The following SORL1 variants were observed in gnomAD, a reference collection of about 807,000 sequenced individuals.
The protein encoded by SORL1 is sortilin related receptor 1, also known as sortilin-related receptor.
A neutral mutation model predicts 273.7 loss-of-function variants in SORL1; 127 were observed. That is an observed-to-expected ratio of 0.46 (90% confidence interval 0.40 to 0.54). The LOEUF (loss-of-function observed/expected upper bound fraction) is 0.54, where lower values mean the gene tolerates loss of function less well. Among genes scored for constraint, SORL1 ranks in the 20% least tolerant of loss-of-function variants. The probability of loss-of-function intolerance (pLI) is 0.00; values close to 1 mark genes in which losing one functional copy is unlikely to be tolerated. For synonymous variants in SORL1, 1,031 were observed against 1,067.4 expected (o/e 0.97, Z 0.66); for missense variants, 2,494 against 2,846.1 (o/e 0.88, Z 2.81).
rs1466750541 is a variant in SORL1, at chr11:121,627,544, T to G, written c.6365-11T>G. 14 of 1,613,342 alleles carry G rather than the reference T, an allele frequency of 8.7e-6. No individual in the cohort carries two copies. The highest frequency in any genetic ancestry group is 1.2e-5 in the Non-Finnish European group (14 of 1,179,418). On this transcript the variant is annotated splice_polypyrimidine_tract_variant and intron_variant, in intron 46 of 47. Transcript: ENST00000260197. The surrounding 1 kb of genome is among the most constrained non-coding windows in gnomAD (Gnocchi z 4.9). ...CAGGTGGGCTTATTGGTGGGAACTT[T>G]GCCTTGGCAGGTGCAGATGCATCTG... is the stretch of plus-strand genomic sequence containing the variant.
In SORL1 at chr11:121,522,956, C is replaced by A; in HGVS notation, c.1563C>A (p.Tyr521Ter). The change falls in exon 11 of 48, where the codon TAC (tyrosine) becomes TAA (stop). Residue 521 changes from tyrosine to a stop codon, truncating the protein, a stop_gained. Coordinates refer to ENST00000260197, the MANE Select transcript of SORL1 (RefSeq NM_003105.6). LOFTEE classifies it high-confidence loss of function. The stretch of plus-strand genomic sequence containing the variant: ...ACTTGGCTAGCAAGACAAACGTGTA[C>A]ATCTCTAGCAGTGCTGGAGCCAGGT... The part of the protein sequence containing the change: ...GKNLASKTNV[Y>*]ISSSAGARWR... 1 of 1,613,874 alleles carries A rather than the reference C, an allele frequency of 6.2e-7. No individual in the cohort carries two copies. Among genetic ancestry groups the A allele is most frequent in the South Asian group, 1.1e-5 (1 of 91,078 alleles).
At chr11:121,587,577 C>T (rs551586728) in intron 27 of SORL1, among the ~76,000 whole-genome samples, 7 of 152,210 alleles carry the variant, frequency 4.6e-5, no homozygotes, top group Admixed American at 6.5e-5. Flanking sequence ...AGGGCTTCAA[C>T]ATACAAATTT....
chr11:121,456,285 C>G (rs1257954484), intron 1 of SORL1, among the ~76,000 whole-genome samples: 1 of 152,170 alleles, frequency 6.6e-6, no homozygotes, highest in East Asian at 1.9e-4. Context: ...GCACTTACTG[C>G]CTTGTGTTAG....
intron 11 of SORL1, among the ~76,000 whole-genome samples, chr11:121,528,245 GATCACTTGAGA>G (rs1862152006): frequency 6.6e-6 from 1 of 152,114 alleles, no homozygotes. Context: ...AAGGCAGGAG[GATCACTTGAGA>G]CCAGGAGTTC....
At chr11:121,576,677 G>T in intron 24 of SORL1, 2 of 1,202,942 alleles carry the variant, frequency 1.7e-6, no homozygotes, top group South Asian at 1.8e-5. Flanking sequence ...TCCCCTTCTT[G>T]GTCAAGCTCT....
chr11:121,479,069 C>A (rs1449128105), intron 3 of SORL1, among the ~76,000 whole-genome samples: 1 of 152,126 alleles, frequency 6.6e-6, no homozygotes, highest in Non-Finnish European at 1.5e-5. Context: ...GGCCTCTGAA[C>A]CTGTACCGAT....
At chr11:121,548,549 A>C (rs1393947020) in intron 14 of SORL1, among the ~76,000 whole-genome samples, 2 of 152,108 alleles carry the variant, frequency 1.3e-5, no homozygotes, top group Admixed American at 1.3e-4. Flanking sequence ...TGTTTAATGA[A>C]TATTTGGAGT....
In SORL1 at chr11:121,544,593, G is replaced by A. The variant is rs564317270; in HGVS notation, c.1865-650G>A. ...TGCATGGCATTGAGTCAAAGGTTGT[G>A]TATCAGCTTCGGGTAGTATCTAATC... On this transcript the variant is annotated intron_variant, in intron 13 of 47. Transcript: ENST00000260197. Among the ~76,000 whole-genome samples the A allele has an allele frequency of 3.3e-5, 5 of 152,326 alleles. No homozygotes were observed. The East Asian group carries it at 9.6e-4, about 29-fold the overall frequency.
intron 24 of SORL1, 130 bp downstream of exon 24, chr11:121,574,493 CT>C: frequency 2.5e-6 from 2 of 787,394 alleles, no homozygotes; most frequent in South Asian, 1.9e-5. Flanking sequence ...AGCTGAATGG[CT>C]TTCTCCATCC....
intron 41 of SORL1, 44 bp downstream of exon 41, chr11:121,615,099 C>T (rs1329153713): frequency 6.8e-7 from 1 of 1,475,714 alleles, no homozygotes; most frequent in South Asian, 1.3e-5. Flanking sequence ...TGTGGACTGT[C>T]CCCTAATGCT....
chr11:121,554,168 A>G lies in SORL1; in HGVS notation c.2439+59A>G, dbSNP rs774277820. On this transcript the variant is annotated intron_variant, in intron 17 of 47. Coordinates refer to ENST00000260197, the MANE Select transcript of SORL1 (RefSeq NM_003105.6). This position sits in a 1 kb window ranked among gnomAD's most constrained non-coding sequence, Gnocchi z 4.6. ...TGCATCGTGACTGCCCTGTCCTGAT[A>G]AGCTGCATGCAGAATGGCCTATGGA... 2 of 1,492,260 alleles carry G rather than the reference A, an allele frequency of 1.3e-6. No individual in the cohort carries two copies. The highest frequency in any genetic ancestry group is 1.8e-6 in the Non-Finnish European group (2 of 1,085,064). 92.4% of individuals were successfully genotyped at this position (1,492,260 alleles called of 1,614,324 possible).
At chr11:121,555,721 C>G (rs183742516) in intron 18 of SORL1, among the ~76,000 whole-genome samples, 3 of 151,960 alleles carry the variant, frequency 2.0e-5, no homozygotes, top group Non-Finnish European at 4.4e-5. Context: ...TTATTTTATT[C>G]GATTAGAGTG....
At chr11:121,477,052 A>G (rs1017744495) in intron 2 of SORL1, among the ~76,000 whole-genome samples, 8 of 151,920 alleles carry the variant, frequency 5.3e-5, no homozygotes, top group East Asian at 3.9e-4. Context: ...TCAGTCTCCT[A>G]AAGTGTTGGG....
At chr11:121,616,562 C>T (rs1047420888) in intron 41 of SORL1, among the ~76,000 whole-genome samples, 5 of 152,216 alleles carry the variant, frequency 3.3e-5, no homozygotes, top group South Asian at 2.1e-4. Context: ...CTCTAAGCCC[C>T]GACTTGGCCT....
chr11:121,546,985 G>T (rs1862436066), intron 14 of SORL1: 1 of 152,212 alleles, frequency 6.6e-6, no homozygotes, highest in Non-Finnish European at 1.5e-5. Flanking sequence ...GCAAGGCTTA[G>T]AACAGAGAAG....
intron 3 of SORL1, among the ~76,000 whole-genome samples, chr11:121,480,236 C>T (rs1226194537): frequency 1.3e-5 from 2 of 151,956 alleles, no homozygotes; most frequent in African/African-American, 4.8e-5. Context: ...CCAGATTTAA[C>T]CATTAAACAA....
intron 6 of SORL1, among the ~76,000 whole-genome samples, chr11:121,509,805 C>T (rs571234027): frequency 6.6e-6 from 1 of 152,194 alleles, no homozygotes; most frequent in South Asian, 2.1e-4. Context: ...GAAATGAAAA[C>T]ACAAAATTAA....
At chr11:121,548,107 C>T (rs1472269761) in intron 14 of SORL1, among the ~76,000 whole-genome samples, 2 of 152,236 alleles carry the variant, frequency 1.3e-5, no homozygotes, top group African/African-American at 2.4e-5. Flanking sequence ...CCTGTACTTA[C>T]ATATGTACGT....
chr11:121,532,687 C>CTTT, intron 12 of SORL1, 135 bp downstream of exon 12: 84 of 521,580 alleles, frequency 1.6e-4, no homozygotes, highest in East Asian at 2.8e-4. Context: ...ATGAGTTAAA[C>CTTT]TTTTTTTTTT....
Sources: allele counts gnomAD v4.1 joint callset (sites outside exome capture counted in the v4.1 genomes callset), GRCh38; gene constraint gnomAD v4.1.1; non-coding constraint Gnocchi (gnomAD v3.1); transcripts MANE v1.5; gene names NCBI Gene and HGNC (gene_info 2026-07-23, HGNC 2026-07-21).